CTNNA3: variants seen among roughly 807,000 people sequenced by gnomAD.
CTNNA3 encodes the protein catenin alpha 3, also known as catenin alpha-3.
In CTNNA3, 76 loss-of-function variants were observed where a neutral mutation model predicts 95.7. The ratio of observed to expected loss-of-function variants is 0.79; its 90% confidence interval spans 0.66 to 0.96. The LOEUF (loss-of-function observed/expected upper bound fraction) is 0.96. Among genes scored for constraint, CTNNA3 ranks in the 40% least tolerant of loss-of-function variants. CTNNA3 has a pLI of 0.00. For synonymous variants in CTNNA3, 431 were observed against 374.4 expected, an observed-to-expected ratio of 1.15 and a Z score of -1.74; for missense variants, 1,191 against 1,089.8, an observed-to-expected ratio of 1.09 and a Z score of -1.31.
intron 5 of CTNNA3, among the ~76,000 whole-genome samples, chr10:67,482,604 C>T (rs1363165275): frequency 6.6e-6 from 1 of 152,082 alleles, no homozygotes; most frequent in Non-Finnish European, 1.5e-5. Flanking sequence ...GATTTTGTAT[C>T]CTGAGATTTT....
At chr10:66,740,326 G>A (rs1201515306) in intron 9 of CTNNA3, among the ~76,000 whole-genome samples, 2 of 152,182 alleles carry the variant, frequency 1.3e-5, no homozygotes, top group Non-Finnish European at 2.9e-5. Flanking sequence ...AATAAACACA[G>A]AAGTCCCACA....
chr10:66,569,922 T>C (rs569214237), intron 10 of CTNNA3, among the ~76,000 whole-genome samples: 1 of 152,282 alleles, frequency 6.6e-6, no homozygotes, highest in South Asian at 2.1e-4. Context: ...AGATATTTGT[T>C]AAATGTTTTC....
chr10:66,421,226 A>C (rs982049289), intron 11 of CTNNA3, among the ~76,000 whole-genome samples: 5 of 152,136 alleles, frequency 3.3e-5, no homozygotes, highest in Admixed American at 1.3e-4. Context: ...TGGTAGAGAG[A>C]AGAATGATAG....
At chr10:67,400,307 A>C (rs1490998830) in intron 5 of CTNNA3, among the ~76,000 whole-genome samples, 3 of 152,230 alleles carry the variant, frequency 2.0e-5, no homozygotes, top group Non-Finnish European at 4.4e-5. Context: ...ACTGTGACAA[A>C]GTATAACAAA....
At chr10:66,851,872 A>G (rs780838858) in intron 7 of CTNNA3, among the ~76,000 whole-genome samples, 5 of 152,110 alleles carry the variant, frequency 3.3e-5, no homozygotes, top group Non-Finnish European at 1.5e-5. Context: ...TAATACACCA[A>G]TTAATGAGTG....
intron 13 of CTNNA3, among the ~76,000 whole-genome samples, chr10:66,261,397 A>T (rs2090995100): frequency 6.6e-6 from 1 of 152,092 alleles, no homozygotes; most frequent in Non-Finnish European, 1.5e-5. Flanking sequence ...TCCTATTCTT[A>T]GCCAATGATT....
At chr10:65,977,639 G>A (rs796226132) in intron 16 of CTNNA3, among the ~76,000 whole-genome samples, 2 of 151,870 alleles carry the variant, frequency 1.3e-5, no homozygotes, top group South Asian at 2.1e-4. Context: ...AATATTAGCC[G>A]GGCATGGTGA....
rs1172744320 is a variant in CTNNA3 at position 65,914,530 on chromosome 10, A to C, written c.*5800T>G. ...TGCACACGTGTGACCTCCATAAAGAAGGAAAGATGTATTTGCTACAGTTTG... is the reference window on the plus strand; with the variant it reads ...TGCACACGTGTGACCTCCATAAAGACGGAAAGATGTATTTGCTACAGTTTG... On this transcript the variant is annotated 3_prime_UTR_variant, in exon 18 of 18. Transcript: ENST00000433211. 1 of 152,162 alleles carries C rather than the reference A, an allele frequency of 6.6e-6. No individual in the cohort carries two copies. Among genetic ancestry groups the C allele is most frequent in the Non-Finnish European group, 1.5e-5 (1 of 68,016 alleles). 9.4% of individuals were successfully genotyped at this position (152,162 alleles called of 1,614,324 possible). A position where few individuals can be genotyped will look rare whatever the true frequency, so the allele number is the denominator to read the frequency against.
At chr10:67,694,832 G>A (rs114812906) in intron 1 of CTNNA3, among the ~76,000 whole-genome samples, 1,796 of 152,080 alleles carry the variant, frequency 0.012, 44 homozygotes, top group African/African-American at 0.041. Context: ...AAATTCCTAC[G>A]ATGAACATTT....
At chr10:65,960,022 A>G (rs980550215) in intron 17 of CTNNA3, among the ~76,000 whole-genome samples, 1 of 152,190 alleles carries the variant, frequency 6.6e-6, no homozygotes, top group African/African-American at 2.4e-5. Flanking sequence ...AGCAGTGTTG[A>G]GAAAAGTGAT....
chr10:66,508,180 G>GTTTT (rs761851664), intron 11 of CTNNA3, among the ~76,000 whole-genome samples: 1 of 114,698 alleles, frequency 8.7e-6, no homozygotes, highest in Non-Finnish European at 1.8e-5. Flanking sequence ...AGCAGCTCTT[G>GTTTT]TTTTTTTTTT....
intron 13 of CTNNA3, among the ~76,000 whole-genome samples, chr10:66,122,970 G>T (rs549601327): frequency 4.6e-5 from 7 of 152,242 alleles, no homozygotes; most frequent in Non-Finnish European, 1.0e-4. Flanking sequence ...ACGAGATTTG[G>T]TTGGGGACAC....
intron 1 of CTNNA3, among the ~76,000 whole-genome samples, chr10:67,726,281 A>ATTACATATTCTATATGATATTATC (rs1841215079): frequency 1.1e-5 from 1 of 92,876 alleles, no homozygotes; most frequent in Non-Finnish European, 1.8e-5. Flanking sequence ...TATATATTAT[A>ATTACATATTCTATATGATATTATC]TTACATATTA....
chr10:66,628,578 G>A (rs1043107069), intron 9 of CTNNA3, among the ~76,000 whole-genome samples: 14 of 152,120 alleles, frequency 9.2e-5, no homozygotes, highest in African/African-American at 3.1e-4. Flanking sequence ...TAGCTGAAAT[G>A]TGTTATTTAT....
chr10:67,230,512 A>G (rs776747948), intron 5 of CTNNA3, among the ~76,000 whole-genome samples: 11 of 152,236 alleles, frequency 7.2e-5, no homozygotes, highest in Non-Finnish European at 1.3e-4. Flanking sequence ...GACAATCCAC[A>G]GAATGGGAGA....
At chr10:66,110,038 T>C (rs2082060650) in intron 13 of CTNNA3, among the ~76,000 whole-genome samples, 1 of 152,108 alleles carries the variant, frequency 6.6e-6, no homozygotes, top group African/African-American at 2.4e-5. Flanking sequence ...ATCTCTTCAC[T>C]CATGTATCAT....
At chr10:66,043,134 G>A (rs1363760392) in intron 15 of CTNNA3, among the ~76,000 whole-genome samples, 34 of 102,872 alleles carry the variant, frequency 3.3e-4, no homozygotes, top group African/African-American at 4.6e-4. Context: ...TCCGGGTAAT[G>A]AAAAAAAAAA....
chr10:66,419,397 A>G (rs1035720475), intron 11 of CTNNA3, among the ~76,000 whole-genome samples: 8 of 152,268 alleles, frequency 5.3e-5, no homozygotes, highest in South Asian at 4.1e-4. Context: ...AAGAGAACAC[A>G]TACAAATGTA....
intron 10 of CTNNA3, among the ~76,000 whole-genome samples, chr10:66,615,030 T>A (rs1453671127): frequency 6.6e-6 from 1 of 151,982 alleles, no homozygotes; most frequent in Admixed American, 6.6e-5. Context: ...AGGTACACCC[T>A]ATTTTGCTTT....
Sources: allele counts gnomAD v4.1 joint callset (sites outside exome capture counted in the v4.1 genomes callset), GRCh38; gene constraint gnomAD v4.1.1; transcripts MANE v1.5; gene names NCBI Gene and HGNC (gene_info 2026-07-23, HGNC 2026-07-21).